Variants in CD82 observed in about 807,000 individuals in gnomAD.
CD82 encodes CD82 antigen.
Under a neutral mutation model 37.4 loss-of-function variants are expected in CD82, and 36 were observed. The observed-to-expected ratio is 0.96, with a 90% CI of 0.74 to 1.27. CD82 has a LOEUF of 1.27. Among genes scored for constraint, CD82 ranks in the 50% most tolerant of loss-of-function variants. The probability of loss-of-function intolerance (pLI) is 0.00; values close to 1 mark genes in which losing one functional copy is unlikely to be tolerated. For missense variants in CD82, 340 were observed against 347.0 expected, an observed-to-expected ratio of 0.98 and a Z score of 0.16; for synonymous variants, 158 against 137.4, an observed-to-expected ratio of 1.15 and a Z score of -1.05.
intron 4 of CD82, among the ~76,000 whole-genome samples, chr11:44,603,104 C>T (rs987318678): frequency 1.3e-5 from 2 of 152,164 alleles, no homozygotes; most frequent in Admixed American, 6.5e-5. Context: ...TTGGAAGCCT[C>T]AACCCAGGAA....
At chr11:44,602,546 G>A (rs935343619) in intron 4 of CD82, among the ~76,000 whole-genome samples, 2 of 152,184 alleles carry the variant, frequency 1.3e-5, no homozygotes, top group Non-Finnish European at 2.9e-5. Context: ...AATAGTAAAT[G>A]GCTTGCCCAG....
chr11:44,586,119 C>G (rs1389958864), intron 1 of CD82, among the ~76,000 whole-genome samples: 1 of 152,182 alleles, frequency 6.6e-6, no homozygotes. Flanking sequence ...TCTCAATACA[C>G]TGGAACCCCC....
intron 2 of CD82, among the ~76,000 whole-genome samples, chr11:44,589,451 C>T (rs1853107532): frequency 6.6e-6 from 1 of 152,258 alleles, no homozygotes; most frequent in Admixed American, 6.5e-5. Flanking sequence ...GAAAGCATAA[C>T]ATTGGAGGAC....
At chr11:44,603,037 C>T (rs563313689) in intron 4 of CD82, among the ~76,000 whole-genome samples, 58 of 152,302 alleles carry the variant, frequency 3.8e-4, no homozygotes, top group African/African-American at 1.3e-3. Flanking sequence ...TGGCACACGG[C>T]GGCTGTCTGG....
intron 4 of CD82, chr11:44,604,602 C>A (rs1400397758): frequency 5.5e-6 from 1 of 180,952 alleles, no homozygotes; most frequent in Admixed American, 5.3e-5. Flanking sequence ...CCCTGGAGAA[C>A]CAGCCAGCCT....
intron 4 of CD82, among the ~76,000 whole-genome samples, chr11:44,601,091 C>T (rs896412956): frequency 2.3e-4 from 2 of 8,772 alleles, no homozygotes; most frequent in East Asian, 3.3e-3. Context: ...CTCAGGGGCT[C>T]CCTGTGGTGG....
chr11:44,590,614 A>AAAAAAAAAAAAAAAAAAAAAAAAG (rs1853130497), intron 2 of CD82, among the ~76,000 whole-genome samples: 1 of 146,786 alleles, frequency 6.8e-6, no homozygotes, highest in Admixed American at 6.7e-5. Context: ...CTGTCTCAAA[A>AAAAAAAAAAAAAAAAAAAAAAAAG]AAAAAAAAAA....
At chr11:44,582,650 G>A (rs925127797) in intron 1 of CD82, among the ~76,000 whole-genome samples, 1 of 152,162 alleles carries the variant, frequency 6.6e-6, no homozygotes, top group African/African-American at 2.4e-5. Context: ...TGTGGCACTG[G>A]GAGAGGGCCT....
chr11:44,592,201 T>C (rs907414106), intron 2 of CD82, among the ~76,000 whole-genome samples: 2 of 152,198 alleles, frequency 1.3e-5, no homozygotes, highest in African/African-American at 4.8e-5. Context: ...CTGGAAAGTG[T>C]AGAAACCCCT....
At chr11:44,593,628 G>A (rs17613700) in intron 2 of CD82, among the ~76,000 whole-genome samples, 17,413 of 151,818 alleles carry the variant, frequency 0.11, 1,084 homozygotes, top group South Asian at 0.21. Context: ...TTGTGTCATC[G>A]GGGAGACTGT....
In CD82 at chr11:44,603,629, C is replaced by T. The variant is rs187208601; in HGVS notation, c.137-1429C>T. ...ACTACTCTCCAGCCTTCTGGAGACG[C>T]CAGCACCCTCGCCCTCCAGGTGCGT... On this transcript the variant is annotated intron_variant, in intron 4 of 9. Transcript: ENST00000227155. Among the ~76,000 whole-genome samples the T allele has an allele frequency of 6.9e-3, 1,047 of 152,308 alleles. 15 individuals carry two copies. Among genetic ancestry groups the T allele is most frequent in the African/African-American group, 0.023 (973 of 41,562 alleles).
rs116106481 is a variant in CD82 at position 44,612,953 on chromosome 11, C to T, written c.337-2319C>T. On this transcript the variant is annotated intron_variant, in intron 6 of 9. Coordinates refer to ENST00000227155, the MANE Select transcript of CD82 (RefSeq NM_002231.4). ...TGGCCAGCCCCAGCATTAATTTAACCAAGGGAGCTGGGTGAGGAGCCAGGG... is the reference window on the plus strand; with the variant it reads ...TGGCCAGCCCCAGCATTAATTTAACTAAGGGAGCTGGGTGAGGAGCCAGGG... Among the ~76,000 whole-genome samples, 271 of 152,202 alleles carry T rather than the reference C, an allele frequency of 1.8e-3. 1 individual carries two copies. The highest frequency in any genetic ancestry group is 6.2e-3 in the African/African-American group (257 of 41,520).
intron 2 of CD82, among the ~76,000 whole-genome samples, chr11:44,592,325 A>G (rs996797333): frequency 3.3e-5 from 5 of 152,216 alleles, no homozygotes; most frequent in African/African-American, 7.2e-5. Flanking sequence ...GCCAAGACGC[A>G]TAGTTTGTTG....
chr11:44,574,393 C>T (rs1353893329), intron 1 of CD82, among the ~76,000 whole-genome samples: 1 of 152,104 alleles, frequency 6.6e-6, no homozygotes, highest in Non-Finnish European at 1.5e-5. Flanking sequence ...CTGAGCAAAC[C>T]CACCCACCCT....
chr11:44,567,638 A>G (rs1239416429), intron 1 of CD82, among the ~76,000 whole-genome samples: 1 of 151,860 alleles, frequency 6.6e-6, no homozygotes. Flanking sequence ...GGGGAGGAGG[A>G]GACGTTCATT....
chr11:44,582,822 A>T (rs144274710), intron 1 of CD82, among the ~76,000 whole-genome samples: 14 of 152,330 alleles, frequency 9.2e-5, no homozygotes, highest in African/African-American at 3.4e-4. Flanking sequence ...AGCCCTTGAG[A>T]ACAGAGCCCT....
chr11:44,565,403 TG>T (rs901065161), upstream of CD82, among the ~76,000 whole-genome samples: 1 of 149,450 alleles, frequency 6.7e-6, no homozygotes, highest in Admixed American at 6.6e-5. Context: ...CAGTGTAACC[TG>T]GGGGCGGGGC....
At chr11:44,587,916 C>A (rs1265777890) in intron 2 of CD82, 1 of 260,934 alleles carries the variant, frequency 3.8e-6, no homozygotes, top group African/African-American at 2.2e-5. Flanking sequence ...CCCTGGTGTT[C>A]TTTGTGGCAG....
chr11:44,597,558 G>A lies in CD82; in HGVS notation c.64-2600G>A, dbSNP rs376214043. On this transcript the variant is annotated intron_variant, in intron 3 of 9. Coordinates refer to ENST00000227155, the MANE Select transcript of CD82 (RefSeq NM_002231.4). This position sits in a 1 kb window ranked among gnomAD's most constrained non-coding sequence, Gnocchi z 4.1. ...GACCTACAGAGGGACTGAATGGGTA[G>A]CCCCGGGGACTTTGCTCTCTGGGTT... Among the ~76,000 whole-genome samples, 1 of 152,374 alleles carries A rather than the reference G, an allele frequency of 6.6e-6. No individual in the cohort carries two copies.
Sources: gnomAD v4.1 joint callset for allele counts (sites outside exome capture counted in the v4.1 genomes callset) on GRCh38, gnomAD v4.1.1 for gene constraint, Gnocchi (gnomAD v3.1) non-coding constraint, MANE v1.5 for transcripts, NCBI Gene and HGNC (gene_info 2026-07-23, HGNC 2026-07-21) for gene names.